NUMA1: variants seen among roughly 807,000 people sequenced by gnomAD.
NUMA1 encodes the protein SP-H antigen.
NUMA1 carries 62 observed loss-of-function variants against 237.1 expected under a neutral mutation model. The observed-to-expected ratio is 0.26, with a 90% confidence interval of 0.21 to 0.32. The LOEUF is 0.32. Among genes scored for constraint, NUMA1 ranks in the 10% least tolerant of loss-of-function variants. The probability of loss-of-function intolerance (pLI) is 1.00; values close to 1 mark genes in which losing one functional copy is unlikely to be tolerated. For synonymous variants in NUMA1, 1,028 were observed against 1,066.1 expected (o/e 0.96, Z 0.70); for missense variants, 2,533 against 2,666.5 (o/e 0.95, Z 1.10).
At chr11:72,046,657 T>C (rs1345828155) in intron 2 of NUMA1, among the ~76,000 whole-genome samples, 1 of 148,808 alleles carries the variant, frequency 6.7e-6, no homozygotes, top group Non-Finnish European at 1.5e-5. Context: ...AGGAAAGAAA[T>C]TACTTTAAAT....
chr11:72,075,220 T>C (rs559860855), intron 1 of NUMA1, among the ~76,000 whole-genome samples: 8 of 152,278 alleles, frequency 5.3e-5, no homozygotes, highest in East Asian at 1.9e-4. Flanking sequence ...TACCCTGTTA[T>C]GCTCCGCTTT....
chr11:72,018,663 G>T, intron 10 of NUMA1, 150 bp from the exon 11 acceptor site: 1 of 1,092,884 alleles, frequency 9.2e-7, no homozygotes, highest in African/African-American at 1.6e-5. Context: ...AAGAGAAGAT[G>T]GGGACAAAGA....
At chr11:72,005,123 C>T (rs779993737) in intron 23 of NUMA1, 110 bp downstream of exon 23, 19 of 1,276,090 alleles carry the variant, frequency 1.5e-5, no homozygotes, top group Non-Finnish European at 2.0e-5. Context: ...CACCCTCCCC[C>T]TCCTCGGCCA....
rs1179017979 is a variant in NUMA1, at chr11:72,019,359, G to A, written c.584+135C>T. ...CTTCCCCCAGTTAATACTGGGTGAG[G>A]TGAGGAGATCCCAGATCTACCGGAT... On this transcript the variant is annotated intron_variant, in intron 9 of 26. Coordinates refer to ENST00000393695, the MANE Select transcript of NUMA1 (RefSeq NM_006185.4). 6 of 1,185,148 alleles carry A rather than the reference G, an allele frequency of 5.1e-6. No homozygotes were observed. In the East Asian group the frequency reaches 1.5e-4, roughly 29 times the overall value. 73.4% of individuals were successfully genotyped at this position (1,185,148 alleles called of 1,614,324 possible). A position where few individuals can be genotyped will look rare whatever the true frequency, so the allele number is the denominator to read the frequency against.
chr11:72,010,406 A>C (rs1956068158), intron 17 of NUMA1, among the ~76,000 whole-genome samples: 1 of 152,250 alleles, frequency 6.6e-6, no homozygotes. Flanking sequence ...TGTCCAAAAG[A>C]ACTTTATGCA....
At chr11:72,034,346 AT>A (rs1940733402) in intron 3 of NUMA1, among the ~76,000 whole-genome samples, 1 of 151,912 alleles carries the variant, frequency 6.6e-6, no homozygotes, top group South Asian at 2.1e-4. Flanking sequence ...ATTTTATTTT[AT>A]TTTTTCATGG....
intron 2 of NUMA1, chr11:72,067,573 C>G (rs1226628740): frequency 2.6e-5 from 4 of 152,094 alleles, no homozygotes; most frequent in African/African-American, 9.7e-5. Context: ...GTCTGATCAC[C>G]CAGCTGTGAC....
intron 3 of NUMA1, among the ~76,000 whole-genome samples, chr11:72,029,718 A>G (rs1488000297): frequency 6.6e-6 from 1 of 152,220 alleles, no homozygotes. Context: ...CGTTTACATT[A>G]TAAGTTTCTG....
chr11:72,012,075 G>C (rs1407499751), intron 16 of NUMA1, among the ~76,000 whole-genome samples: 1 of 152,224 alleles, frequency 6.6e-6, no homozygotes, highest in African/African-American at 2.4e-5. Flanking sequence ...CACAGTACTT[G>C]GGAAGTTCTC....
Position 72,015,074 on chromosome 11 carries a change from A to G in NUMA1, c.2429T>C (p.Val810Ala), listed in dbSNP as rs1565213188. ...CTCATACCGCTCACGCCAGGCAGCT[A>G]CTTCTTTGACGAGCTGCTCACACTC... ...ESECEQLVKEVAAWRERYEDS... is the reference protein window; with the variant it reads ...ESECEQLVKEAAAWRERYEDS... The change falls in exon 15 of 27, where the codon GTA becomes GCA. Residue 810 changes from valine (V) to alanine (A), a missense_variant. Val to Ala is a moderately conservative substitution (Grantham distance 64, BLOSUM62 0). This residue lies in a region of NUMA1 where 1,414 missense variants were observed against 1,508.1 expected (regional missense o/e 0.94). Coordinates refer to ENST00000393695, the MANE Select transcript of NUMA1 (RefSeq NM_006185.4). This position sits in a 1 kb window ranked among gnomAD's most constrained non-coding sequence, Gnocchi z 4.0. 1 of 1,613,922 alleles carries G rather than the reference A, an allele frequency of 6.2e-7. No homozygotes were observed. Among genetic ancestry groups the G allele is most frequent in the African/African-American group, 1.3e-5 (1 of 75,004 alleles).
In NUMA1 at chr11:72,007,333, G is replaced by C. The variant is rs1391350344; in HGVS notation, c.5319C>G (p.Leu1773=). The change falls in exon 21 of 27, where the codon CTC becomes CTG. Residue 1773 remains leucine, a synonymous_variant. Transcript: ENST00000393695. ...TCCGAGCAGGGATGGGAGTGAAGTA[G>C]AGACTCTCCAGGGATTCTACCTTGG... ...LPPKVESLES[L]YFTPIPARSQ... 2 of 1,613,664 alleles carry C rather than the reference G, an allele frequency of 1.2e-6. No individual in the cohort carries two copies. The highest frequency in any genetic ancestry group is 8.5e-7 in the Non-Finnish European group (1 of 1,179,830).
rs1323141881 is a variant in NUMA1 at position 72,014,542 on chromosome 11, C to T, written c.2961G>A (p.Ala987=). 3.7e-6 allele frequency: 6 copies of T among 1,602,264 alleles called. No homozygotes were observed. The highest frequency in any genetic ancestry group is 1.1e-5 in the South Asian group (1 of 91,078). The part of the protein sequence containing the change: ...MGNELERLRA[A]LMESQGQQQE... ...GCTGCTGCCCCTGGCTCTCCATCAGCGCGGCCCGCAGCCGTTCCAGCTCAT... is the reference window on the plus strand; with the variant it reads ...GCTGCTGCCCCTGGCTCTCCATCAGTGCGGCCCGCAGCCGTTCCAGCTCAT... Residue 987 remains alanine, a synonymous_variant, in exon 15 of 27, where the codon GCG becomes GCA. Transcript: ENST00000393695. This position sits in a 1 kb window ranked among gnomAD's most constrained non-coding sequence, Gnocchi z 4.6.
chr11:72,014,887 G>C lies in NUMA1; in HGVS notation c.2616C>G (p.Asn872Lys). Residue 872 changes from asparagine (N) to lysine (K), a missense_variant, in exon 15 of 27, where the codon AAC becomes AAG. Physicochemically the swap from Asn to Lys is moderately conservative, Grantham distance 94. Around this residue, in one of 3 missense-constraint regions of NUMA1, gnomAD observed 1,414 missense variants for 1,508.1 expected, o/e 0.94. Transcript: ENST00000393695. This position sits in a 1 kb window ranked among gnomAD's most constrained non-coding sequence, Gnocchi z 4.6. ...GGTTGGCATGGAGCTCAGCTAGTTCGTTCTGCTGCCGGCTTATCTGGAGCT... is the reference window on the plus strand; with the variant it reads ...GGTTGGCATGGAGCTCAGCTAGTTCCTTCTGCTGCCGGCTTATCTGGAGCT... The part of the protein sequence containing the change: ...HSELQISRQQ[N>K]ELAELHANLA... The C allele has an allele frequency of 6.2e-7, 1 of 1,614,242 alleles. No homozygotes were observed. The highest frequency in any genetic ancestry group is 8.5e-7 in the Non-Finnish European group (1 of 1,180,044).
At position 72,013,423 on chromosome 11, in the gene NUMA1, C is replaced by T; in HGVS notation, c.4080G>A (p.Leu1360=). The T allele has an allele frequency of 6.2e-7, 1 of 1,613,026 alleles. No homozygotes were observed. Among genetic ancestry groups the T allele is most frequent in the Non-Finnish European group, 8.5e-7 (1 of 1,179,988 alleles). ...GCTGGCAGAGGTGCTTAGCTGGCAGCAGCTCACTCACCAGGGCCTGTGTGC... is the reference window on the plus strand; with the variant it reads ...GCTGGCAGAGGTGCTTAGCTGGCAGTAGCTCACTCACCAGGGCCTGTGTGC... ...HTSTQALVSE[L]LPAKHLCQQL... is the part of the protein sequence containing the mutation. Residue 1360 remains leucine, a synonymous_variant, in exon 15 of 27, where the codon CTG becomes CTA. Transcript: ENST00000393695. This position sits in a 1 kb window ranked among gnomAD's most constrained non-coding sequence, Gnocchi z 6.8.
At chr11:72,034,573 T>C (rs1436393701) in intron 3 of NUMA1, among the ~76,000 whole-genome samples, 4 of 151,940 alleles carry the variant, frequency 2.6e-5, no homozygotes, top group African/African-American at 7.3e-5. Flanking sequence ...CTGGGCATGG[T>C]GGCGTGCACC....
In NUMA1 at chr11:72,018,397, T is replaced by C. The variant is rs1938212811; in HGVS notation, c.859A>G (p.Ser287Gly). Residue 287 changes from serine (S) to glycine (G), a missense_variant and splice_region_variant, in exon 11 of 27, where the codon AGC (serine) becomes GGC (glycine). Ser to Gly is a moderately conservative substitution (Grantham distance 56). Transcript: ENST00000393695. ...ELEELRDKNESLTMRLHETLK... is the reference protein window; with the variant it reads ...ELEELRDKNEGLTMRLHETLK... Reference sequence around the variant, plus strand: ...GAAGGAATGCAGGGAGAGCTGTACCTCTCATTCTTGTCACGCAGCTCCTCA... The same window carrying C: ...GAAGGAATGCAGGGAGAGCTGTACCCCTCATTCTTGTCACGCAGCTCCTCA... 1 of 1,613,308 alleles carries C rather than the reference T, an allele frequency of 6.2e-7. No homozygotes were observed.
intron 4 of NUMA1, 48 bp downstream of exon 4, chr11:72,029,157 C>A (rs1401880653): frequency 7.4e-7 from 1 of 1,358,728 alleles, no homozygotes. Context: ...CCCACCCCAG[C>A]AATCAGCTTT....
At chr11:72,010,115 A>G (rs1956046984) in intron 17 of NUMA1, among the ~76,000 whole-genome samples, 1 of 152,226 alleles carries the variant, frequency 6.6e-6, no homozygotes, top group Non-Finnish European at 1.5e-5. Flanking sequence ...CAATCAAGAC[A>G]TGCTGTGGCA....
chr11:72,004,676 G>A lies in NUMA1; in HGVS notation c.5970C>T (p.Val1990=), dbSNP rs779469353. 1 of 1,613,344 alleles carries A rather than the reference G, an allele frequency of 6.2e-7. No individual in the cohort carries two copies. The highest frequency in any genetic ancestry group is 8.5e-7 in the Non-Finnish European group (1 of 1,179,936). The change falls in exon 24 of 27, where the codon GTC becomes GTT. Residue 1990 remains valine (V), a synonymous_variant. Coordinates refer to ENST00000393695, the MANE Select transcript of NUMA1 (RefSeq NM_006185.4). Reference sequence around the variant, plus strand: ...CAGGGCCCTGGTGGGGCTCTAGGGAGACCCGTTTGCGCTGCTGCCGGGTGG... The same window carrying A: ...CAGGGCCCTGGTGGGGCTCTAGGGAAACCCGTTTGCGCTGCTGCCGGGTGG... ...GITTRQQRKR[V]SLEPHQGPGT... is the part of the protein sequence containing the mutation.
Sources: allele counts gnomAD v4.1 joint callset (sites outside exome capture counted in the v4.1 genomes callset), GRCh38; gene constraint gnomAD v4.1.1; regional missense constraint gnomAD v4.1.1; non-coding constraint Gnocchi (gnomAD v3.1); transcripts MANE v1.5; gene names NCBI Gene and HGNC (gene_info 2026-07-23, HGNC 2026-07-21).